The following FMN2 variants were observed in gnomAD, a reference collection of about 807,000 sequenced individuals.
The protein encoded by FMN2 is formin 2, also known as formin-2.
A neutral mutation model predicts 142.3 loss-of-function variants in FMN2; 51 were observed. The ratio of observed to expected loss-of-function variants is 0.36; its 90% CI spans 0.29 to 0.45. The LOEUF (loss-of-function observed/expected upper bound fraction) is 0.45, where lower values mean the gene tolerates loss of function less well. Among genes scored for constraint, FMN2 ranks in the 20% least tolerant of loss-of-function variants. FMN2 has a pLI of 1.00. For missense variants in FMN2, 1,936 were observed against 2,122.8 expected, an observed-to-expected ratio of 0.91 and a Z score of 1.73; for synonymous variants, 882 against 869.8, an observed-to-expected ratio of 1.01 and a Z score of -0.25.
intron 6 of FMN2, among the ~76,000 whole-genome samples, chr1:240,242,519 C>T (rs534902266): frequency 1.3e-5 from 2 of 152,264 alleles, no homozygotes; most frequent in East Asian, 1.9e-4. Flanking sequence ...AAGATGGTGT[C>T]AGGAGAGATT....
chr1:240,327,414 G>T (rs1671208047), intron 8 of FMN2, among the ~76,000 whole-genome samples: 1 of 152,086 alleles, frequency 6.6e-6, no homozygotes, highest in Non-Finnish European at 1.5e-5. Context: ...CTTTGTTTAG[G>T]TAGTATCTAT....
intron 7 of FMN2, among the ~76,000 whole-genome samples, chr1:240,270,941 G>A (rs191437371): frequency 2.0e-5 from 3 of 151,852 alleles, no homozygotes; most frequent in African/African-American, 4.8e-5. Context: ...TGGTGACTAT[G>A]GTTAATAATA....
chr1:240,234,319 A>T (rs138620913), intron 6 of FMN2, among the ~76,000 whole-genome samples: 15 of 152,206 alleles, frequency 9.9e-5, no homozygotes, highest in Non-Finnish European at 1.9e-4. Context: ...AAAAGAGGAG[A>T]AAAAGGTGAG....
intron 1 of FMN2, among the ~76,000 whole-genome samples, chr1:240,103,941 A>G (rs533941305): frequency 1.8e-4 from 27 of 151,800 alleles, no homozygotes; most frequent in African/African-American, 3.4e-4. Context: ...CAGTGGTGCG[A>G]TCTCGGCTCA....
At chr1:240,306,991 T>C (rs1025852546) in intron 8 of FMN2, among the ~76,000 whole-genome samples, 1 of 152,248 alleles carries the variant, frequency 6.6e-6, no homozygotes, top group African/African-American at 2.4e-5. Flanking sequence ...TGTATCTCTC[T>C]GGTGTTTAGT....
At chr1:240,389,199 T>C (rs945532369) in intron 14 of FMN2, among the ~76,000 whole-genome samples, 2 of 152,214 alleles carry the variant, frequency 1.3e-5, no homozygotes, top group Non-Finnish European at 2.9e-5. Context: ...TGATTATCTG[T>C]ACATAAGAAA....
intron 8 of FMN2, among the ~76,000 whole-genome samples, chr1:240,323,864 A>G (rs1671063237): frequency 6.6e-6 from 1 of 152,028 alleles, no homozygotes; most frequent in Non-Finnish European, 1.5e-5. Flanking sequence ...CTTCCTCCTC[A>G]GGGTTCTCTT....
chr1:240,220,981 TTG>T (rs1223882894), intron 6 of FMN2, among the ~76,000 whole-genome samples: 3 of 152,106 alleles, frequency 2.0e-5, no homozygotes, highest in Non-Finnish European at 4.4e-5. Flanking sequence ...GGTTTTCTGT[TTG>T]TGTGTTAGTT....
chr1:240,377,702 G>C (rs75028430), intron 14 of FMN2, among the ~76,000 whole-genome samples: 1 of 152,194 alleles, frequency 6.6e-6, no homozygotes, highest in African/African-American at 2.4e-5. Flanking sequence ...CAAGGACCCA[G>C]TGATTGCACT....
At chr1:240,407,415 A>C (rs1041139681) in intron 15 of FMN2, among the ~76,000 whole-genome samples, 3 of 152,192 alleles carry the variant, frequency 2.0e-5, no homozygotes, top group Non-Finnish European at 4.4e-5. Context: ...CTAGGATTAC[A>C]GGCGTGAGCC....
At chr1:240,374,573 A>G (rs372001530) in intron 14 of FMN2, among the ~76,000 whole-genome samples, 2 of 152,246 alleles carry the variant, frequency 1.3e-5, no homozygotes, top group East Asian at 3.9e-4. Flanking sequence ...ACTGACCTCT[A>G]TTGGCTTCAA....
At chr1:240,197,749 AACCTGGGT>A (rs1665968739) in intron 4 of FMN2, among the ~76,000 whole-genome samples, 1 of 146,822 alleles carries the variant, frequency 6.8e-6, no homozygotes, top group South Asian at 2.1e-4. Context: ...CACTTTAAGG[AACCTGGGT>A]ACCTCCCAGG....
At chr1:240,102,231 TA>T (rs1389853216) in intron 1 of FMN2, among the ~76,000 whole-genome samples, 1 of 152,124 alleles carries the variant, frequency 6.6e-6, no homozygotes, top group African/African-American at 2.4e-5. Flanking sequence ...TTTTTTACTT[TA>T]AAAAGAAAAA....
At chr1:240,143,816 G>A in intron 2 of FMN2, 1 of 1,530,692 alleles carries the variant, frequency 6.5e-7, no homozygotes, top group Middle Eastern at 1.7e-4. Context: ...CATTCCACAG[G>A]CTAGAGCTGT....
At chr1:240,451,158 G>A (rs1016885665) in intron 16 of FMN2, among the ~76,000 whole-genome samples, 1 of 152,100 alleles carries the variant, frequency 6.6e-6, no homozygotes, top group Admixed American at 6.6e-5. Context: ...ACGAGGTCAA[G>A]AGTTTGAGAC....
At chr1:240,294,740 C>A in intron 7 of FMN2, 82 bp from the exon 8 acceptor site, 3 of 1,266,082 alleles carry the variant, frequency 2.4e-6, no homozygotes, top group Non-Finnish European at 2.3e-6. Flanking sequence ...GGCTGCTGAG[C>A]CGTGAGCCTG....
intron 8 of FMN2, among the ~76,000 whole-genome samples, chr1:240,296,267 G>A (rs542725527): frequency 7.3e-5 from 11 of 149,826 alleles, no homozygotes; most frequent in African/African-American, 2.5e-4. Context: ...ACCATAGCAC[G>A]ATATAGTCAG....
At chr1:240,416,295 C>T (rs1014837132) in intron 15 of FMN2, among the ~76,000 whole-genome samples, 9 of 136,102 alleles carry the variant, frequency 6.6e-5, no homozygotes, top group Admixed American at 2.4e-4. Context: ...GAGTCTTGCT[C>T]TGTCACCCAG....
intron 15 of FMN2, among the ~76,000 whole-genome samples, chr1:240,429,015 T>C (rs1311728481): frequency 6.6e-6 from 1 of 152,126 alleles, no homozygotes; most frequent in Admixed American, 6.5e-5. Flanking sequence ...TTTAAAAACT[T>C]TTCCTTATTT....
Sources: allele counts gnomAD v4.1 joint callset (sites outside exome capture counted in the v4.1 genomes callset), GRCh38; gene constraint gnomAD v4.1.1; transcripts MANE v1.5; gene names NCBI Gene and HGNC (gene_info 2026-07-23, HGNC 2026-07-21).